The following ATXN1 variants were observed in gnomAD, a reference collection of about 807,000 sequenced individuals.
The protein encoded by ATXN1 is ataxin-1.
In ATXN1, 8 loss-of-function variants were observed where a neutral mutation model predicts 56.4. The ratio of observed to expected loss-of-function variants is 0.14; its 90% CI spans 0.08 to 0.26. The LOEUF (loss-of-function observed/expected upper bound fraction) is 0.26, where lower values mean the gene tolerates loss of function less well. Among genes scored for constraint, ATXN1 ranks in the 10% least tolerant of loss-of-function variants. The pLI, the probability that ATXN1 is intolerant of heterozygous loss-of-function variation, is 1.00. For missense variants in ATXN1, 987 were observed against 1,106.5 expected (o/e 0.89, Z 1.53); for synonymous variants, 514 against 494.6 (o/e 1.04, Z -0.52).
chr6:16,590,144 A>T (rs564680095), intron 3 of ATXN1, among the ~76,000 whole-genome samples: 114 of 152,368 alleles, frequency 7.5e-4, no homozygotes, highest in Non-Finnish European at 1.3e-3. Flanking sequence ...TGGACAGAGT[A>T]ATGTGACTTC....
intron 3 of ATXN1, among the ~76,000 whole-genome samples, chr6:16,640,279 C>A (rs1763684459): frequency 6.6e-6 from 1 of 152,280 alleles, no homozygotes; most frequent in Non-Finnish European, 1.5e-5. Flanking sequence ...ACCACACACC[C>A]CATATAAGGT....
intron 6 of ATXN1, among the ~76,000 whole-genome samples, chr6:16,460,634 C>G (rs958941980): frequency 2.6e-5 from 4 of 152,180 alleles, no homozygotes; most frequent in African/African-American, 9.7e-5. Flanking sequence ...GGATGGAGAA[C>G]CAATCGAGTA....
chr6:16,747,291 C>T (rs996353078), intron 2 of ATXN1, among the ~76,000 whole-genome samples: 9 of 152,196 alleles, frequency 5.9e-5, no homozygotes, highest in Non-Finnish European at 8.8e-5. Flanking sequence ...TAAAGCTAAA[C>T]AGAACTCGAA....
chr6:16,670,463 G>A (rs748263897), intron 2 of ATXN1, among the ~76,000 whole-genome samples: 1 of 152,152 alleles, frequency 6.6e-6, no homozygotes, highest in African/African-American at 2.4e-5. Context: ...TACTCTCTGC[G>A]ATCTTCCTCT....
intron 6 of ATXN1, among the ~76,000 whole-genome samples, chr6:16,377,526 C>T (rs530352994): frequency 5.3e-5 from 8 of 152,262 alleles, no homozygotes; most frequent in African/African-American, 1.9e-4. Flanking sequence ...GAACAGGCTA[C>T]AGCCGCTGTT....
intron 6 of ATXN1, among the ~76,000 whole-genome samples, chr6:16,366,650 G>A (rs994763781): frequency 4.6e-5 from 7 of 151,556 alleles, no homozygotes; most frequent in African/African-American, 1.2e-4. Context: ...GCATGATGGC[G>A]GGCACCTGTA....
intron 6 of ATXN1, among the ~76,000 whole-genome samples, chr6:16,415,096 G>T (rs1758874645): frequency 6.6e-6 from 1 of 151,992 alleles, no homozygotes; most frequent in South Asian, 2.1e-4. Flanking sequence ...TTGTGTTCTT[G>T]GGCAAATTAT....
intron 6 of ATXN1, among the ~76,000 whole-genome samples, chr6:16,473,303 T>A (rs1056516548): frequency 1.3e-5 from 2 of 152,118 alleles, no homozygotes; most frequent in African/African-American, 4.8e-5. Context: ...AACAAACTGG[T>A]CCCCAAACGT....
intron 3 of ATXN1, among the ~76,000 whole-genome samples, chr6:16,637,471 T>A (rs1763620748): frequency 6.6e-6 from 1 of 151,668 alleles, no homozygotes; most frequent in South Asian, 2.1e-4. Flanking sequence ...ATTGTGCACA[T>A]GTACCCTAGA....
intron 6 of ATXN1, among the ~76,000 whole-genome samples, chr6:16,386,010 T>A (rs1386977323): frequency 1.3e-5 from 2 of 152,196 alleles, no homozygotes; most frequent in African/African-American, 4.8e-5. Flanking sequence ...TTAAGGCTAT[T>A]AGTCTTCACG....
At chr6:16,572,107 T>C (rs1375840612) in intron 4 of ATXN1, among the ~76,000 whole-genome samples, 1 of 152,152 alleles carries the variant, frequency 6.6e-6, no homozygotes, top group Non-Finnish European at 1.5e-5. Context: ...AGTCTACATG[T>C]TGTAAAGGTG....
intron 4 of ATXN1, among the ~76,000 whole-genome samples, chr6:16,540,121 T>G (rs1761683955): frequency 6.6e-6 from 1 of 152,218 alleles, no homozygotes; most frequent in Non-Finnish European, 1.5e-5. Context: ...ACTGCAATGC[T>G]GAGAATCAAG....
chr6:16,634,999 C>T (rs1763569612), intron 3 of ATXN1, among the ~76,000 whole-genome samples: 1 of 152,174 alleles, frequency 6.6e-6, no homozygotes, highest in Non-Finnish European at 1.5e-5. Context: ...GGCTACAGAC[C>T]TCCTGCACAA....
At chr6:16,612,941 A>C (rs909918733) in intron 3 of ATXN1, among the ~76,000 whole-genome samples, 7 of 151,666 alleles carry the variant, frequency 4.6e-5, no homozygotes, top group African/African-American at 1.7e-4. Flanking sequence ...AATATAAAGG[A>C]AAAGCACATA....
intron 4 of ATXN1, among the ~76,000 whole-genome samples, chr6:16,534,772 C>G (rs1161477378): frequency 6.6e-6 from 1 of 152,214 alleles, no homozygotes. Context: ...AAGAGACTAT[C>G]TGTTCCCACT....
intron 4 of ATXN1, among the ~76,000 whole-genome samples, chr6:16,556,564 T>C (rs1422054753): frequency 2.0e-5 from 3 of 152,214 alleles, no homozygotes; most frequent in Admixed American, 2.0e-4. Context: ...CTGCAAATAA[T>C]TCCGTCAGAT....
chr6:16,747,455 C>T (rs971306395), intron 2 of ATXN1, among the ~76,000 whole-genome samples: 8 of 152,222 alleles, frequency 5.3e-5, no homozygotes, highest in African/African-American at 1.4e-4. Flanking sequence ...CTGAAGCAGA[C>T]GACATACAAC....
chr6:16,616,733 A>C (rs902819481), intron 3 of ATXN1, among the ~76,000 whole-genome samples: 1 of 148,754 alleles, frequency 6.7e-6, no homozygotes, highest in African/African-American at 2.5e-5. Context: ...CCCTCCACAC[A>C]CACTTACATA....
intron 2 of ATXN1, among the ~76,000 whole-genome samples, chr6:16,711,377 G>A (rs753682192): frequency 2.0e-5 from 3 of 151,736 alleles, no homozygotes; most frequent in Non-Finnish European, 2.9e-5. Flanking sequence ...GACACAAAAA[G>A]CATATATCTT....
Sources: allele counts gnomAD v4.1 joint callset (sites outside exome capture counted in the v4.1 genomes callset), GRCh38; gene constraint gnomAD v4.1.1; transcripts MANE v1.5; gene names NCBI Gene and HGNC (gene_info 2026-07-23, HGNC 2026-07-21).